The following L3MBTL4 variants were observed in gnomAD, a reference collection of about 807,000 sequenced individuals.
L3MBTL4 encodes the protein lethal(3)malignant brain tumor-like protein 4.
Under a neutral mutation model 84.5 loss-of-function variants are expected in L3MBTL4, and 70 were observed. That is an observed-to-expected ratio of 0.83 (90% confidence interval 0.68 to 1.01). The LOEUF is 1.01. Ranked by LOEUF, L3MBTL4 falls within the 50% of genes least tolerant of loss-of-function variation. The pLI, the probability that L3MBTL4 is intolerant of heterozygous loss-of-function variation, is 0.00. For synonymous variants in L3MBTL4, 274 were observed against 259.8 expected, an observed-to-expected ratio of 1.05 and a Z score of -0.52; for missense variants, 715 against 754.8, an observed-to-expected ratio of 0.95 and a Z score of 0.62.
At chr18:6,009,045 C>G (rs2054614861) in intron 16 of L3MBTL4, among the ~76,000 whole-genome samples, 1 of 152,162 alleles carries the variant, frequency 6.6e-6, no homozygotes, top group African/African-American at 2.4e-5. Flanking sequence ...GGTGAGGAAC[C>G]ACACAGACCT....
chr18:6,325,978 T>C (rs776623308), intron 1 of L3MBTL4, among the ~76,000 whole-genome samples: 27 of 152,322 alleles, frequency 1.8e-4, no homozygotes, highest in Middle Eastern at 3.4e-3. Context: ...ACCAGATCTT[T>C]TGTAAGAACA....
intron 1 of L3MBTL4, among the ~76,000 whole-genome samples, chr18:6,354,574 A>G (rs2053349473): frequency 6.6e-6 from 1 of 152,210 alleles, no homozygotes; most frequent in Non-Finnish European, 1.5e-5. Context: ...AGCTCAAGCA[A>G]CTCAATAAGA....
intron 1 of L3MBTL4, among the ~76,000 whole-genome samples, chr18:6,406,278 G>C (rs1330242863): frequency 6.6e-6 from 1 of 152,214 alleles, no homozygotes; most frequent in Non-Finnish European, 1.5e-5. Context: ...ATAATTTTAT[G>C]TCTTCACCAC....
intron 3 of L3MBTL4, among the ~76,000 whole-genome samples, chr18:6,308,803 G>A (rs1042184499): frequency 1.3e-5 from 2 of 152,056 alleles, no homozygotes; most frequent in Non-Finnish European, 2.9e-5. Flanking sequence ...GTGGTCACAC[G>A]GTTAGGAAAA....
chr18:6,222,486 C>T (rs1333989112), intron 10 of L3MBTL4, among the ~76,000 whole-genome samples: 1 of 152,228 alleles, frequency 6.6e-6, no homozygotes, highest in African/African-American at 2.4e-5. Flanking sequence ...GAACTGTCTT[C>T]AATACCATGG....
chr18:6,009,457 T>G (rs1176749105), intron 16 of L3MBTL4, among the ~76,000 whole-genome samples: 1 of 152,148 alleles, frequency 6.6e-6, no homozygotes, highest in Non-Finnish European at 1.5e-5. Flanking sequence ...TGCTTATGCT[T>G]CCAAAGTCCA....
In L3MBTL4 at chr18:6,141,859, C is replaced by T. The variant is rs147270954; in HGVS notation, c.1097-3563G>A. ...CTCTCTTAGCACATTTCAATGGCTT[C>T]TCATTGCTGTTAGGATGAAAACTCG... On this transcript the variant is annotated intron_variant, in intron 13 of 18. Coordinates refer to ENST00000317931, the MANE Select transcript of L3MBTL4 (RefSeq NM_001330559.2). 2.8e-4 allele frequency among the ~76,000 whole-genome samples: 42 copies of T among 152,308 alleles called. 1 individual carries two copies. The highest frequency in any genetic ancestry group is 9.6e-4 in the African/African-American group (40 of 41,580).
At chr18:6,033,414 T>G (rs1394158407) in intron 16 of L3MBTL4, among the ~76,000 whole-genome samples, 1 of 152,200 alleles carries the variant, frequency 6.6e-6, no homozygotes, top group Non-Finnish European at 1.5e-5. Context: ...CGTTTTTCTT[T>G]TAAACCTATT....
intron 16 of L3MBTL4, chr18:6,024,958 G>A (rs1395816195): frequency 6.6e-6 from 1 of 152,150 alleles, no homozygotes; most frequent in Non-Finnish European, 1.5e-5. Context: ...TAATCACAGA[G>A]GGGGTTTAAA....
Position 6,223,105 on chromosome 18 carries a change from T to C in L3MBTL4, c.785-7270A>G, listed in dbSNP as rs532255239. ...ATATCTACTAAGTAGGTCCAGCCAATTGGTGATTCTAGAGAATCTAAAAAA... is the reference window on the plus strand; with the variant it reads ...ATATCTACTAAGTAGGTCCAGCCAACTGGTGATTCTAGAGAATCTAAAAAA... On this transcript the variant is annotated intron_variant, in intron 10 of 18. Coordinates refer to ENST00000317931, the MANE Select transcript of L3MBTL4 (RefSeq NM_001330559.2). Among the ~76,000 whole-genome samples the C allele has an allele frequency of 9.9e-5, 15 of 152,166 alleles. No homozygotes were observed. In the South Asian group the frequency reaches 2.5e-3, roughly 25 times the overall value.
At chr18:6,084,833 A>T (rs1233159025) in intron 15 of L3MBTL4, among the ~76,000 whole-genome samples, 2 of 152,196 alleles carry the variant, frequency 1.3e-5, no homozygotes, top group Admixed American at 1.3e-4. Flanking sequence ...ATGAGTTTGA[A>T]CTGGGCCTCA....
Position 6,076,673 on chromosome 18 carries a change from G to A in L3MBTL4, c.1444+4208C>T, listed in dbSNP as rs2057865343. Among the ~76,000 whole-genome samples the A allele has an allele frequency of 1.9e-5, 2 of 102,610 alleles. 1 individual carries two copies. Among genetic ancestry groups the A allele is most frequent in the African/African-American group, 1.0e-4 (2 of 19,378 alleles). The allele number at this position is 102,610 out of a possible 152,430, so 67.3% of individuals were successfully genotyped here. A position where few individuals can be genotyped will look rare whatever the true frequency, so the allele number is the denominator to read the frequency against. On this transcript the variant is annotated intron_variant, in intron 16 of 18. Coordinates refer to ENST00000317931, the MANE Select transcript of L3MBTL4 (RefSeq NM_001330559.2). The stretch of plus-strand genomic sequence containing the variant: ...ACCAAATATAATATGATTCTGCACT[G>A]GTAAAAAAAAATGTGAATTATTATA...
At chr18:6,353,786 A>T (rs1169647692) in intron 1 of L3MBTL4, among the ~76,000 whole-genome samples, 3 of 149,696 alleles carry the variant, frequency 2.0e-5, no homozygotes, top group Non-Finnish European at 1.5e-5. Context: ...ATTGAAGAGG[A>T]TACCAAAAAA....
intron 1 of L3MBTL4, among the ~76,000 whole-genome samples, chr18:6,393,717 G>A (rs1481525464): frequency 2.6e-5 from 4 of 152,106 alleles, no homozygotes; most frequent in East Asian, 1.9e-4. Flanking sequence ...CACCACAGAC[G>A]CTGCTACTGC....
intron 1 of L3MBTL4, chr18:6,399,657 T>A (rs2144633175): frequency 6.6e-6 from 1 of 152,342 alleles, no homozygotes; most frequent in East Asian, 1.9e-4. Context: ...TACTTACATC[T>A]TAGAAAATAG....
intron 16 of L3MBTL4, among the ~76,000 whole-genome samples, chr18:6,065,543 G>C: frequency 6.6e-6 from 1 of 151,728 alleles, no homozygotes; most frequent in East Asian, 1.9e-4. Context: ...TTGTTGGTCT[G>C]TTCAGGGCTT....
intron 16 of L3MBTL4, among the ~76,000 whole-genome samples, chr18:5,999,997 T>C (rs2054145157): frequency 6.6e-6 from 1 of 152,130 alleles, no homozygotes. Context: ...GAGAAACCTT[T>C]TAGTTGGAAA....
intron 16 of L3MBTL4, among the ~76,000 whole-genome samples, chr18:6,041,330 C>T (rs1012283769): frequency 6.6e-6 from 1 of 152,230 alleles, no homozygotes; most frequent in South Asian, 2.1e-4. Flanking sequence ...CATCTGCCAT[C>T]TCGTCTTCAC....
intron 1 of L3MBTL4, among the ~76,000 whole-genome samples, chr18:6,382,541 T>A (rs1243834262): frequency 6.6e-6 from 1 of 152,202 alleles, no homozygotes; most frequent in Non-Finnish European, 1.5e-5. Context: ...CCTTTCTGTT[T>A]GTTAGTTTTC....
Sources: allele counts gnomAD v4.1 joint callset (sites outside exome capture counted in the v4.1 genomes callset), GRCh38; gene constraint gnomAD v4.1.1; transcripts MANE v1.5; gene names NCBI Gene and HGNC (gene_info 2026-07-23, HGNC 2026-07-21).